Variants in RASSF3 observed in about 807,000 individuals in gnomAD.
The protein encoded by RASSF3 is Ras association domain family member 3, also known as ras association domain-containing protein 3.
A neutral mutation model predicts 19.9 loss-of-function variants in RASSF3; 19 were observed. The ratio of observed to expected loss-of-function variants is 0.96; its 90% CI spans 0.67 to 1.40. The LOEUF is 1.40. RASSF3 is among the 40% of genes most tolerant of loss of function. RASSF3 has a pLI of 0.00. For synonymous variants in RASSF3, 110 were observed against 104.2 expected (o/e 1.06, Z -0.34); for missense variants, 306 against 289.8 (o/e 1.06, Z -0.41).
At chr12:64,662,336 AT>A (rs1195570480) in intron 1 of RASSF3, among the ~76,000 whole-genome samples, 4 of 152,036 alleles carry the variant, frequency 2.6e-5, no homozygotes, top group African/African-American at 9.7e-5. Flanking sequence ...TGGGAGGATC[AT>A]TTGAGCCTAA....
intron 1 of RASSF3, among the ~76,000 whole-genome samples, chr12:64,641,636 TC>T (rs138781023): frequency 0.52 from 68,375 of 132,380 alleles, 17,221 homozygotes; most frequent in Middle Eastern, 0.57. Context: ...TCTCTCTCTC[TC>T]TTTTTTTTTT....
At chr12:64,663,345 G>A (rs562818100) in intron 1 of RASSF3, among the ~76,000 whole-genome samples, 2 of 151,974 alleles carry the variant, frequency 1.3e-5, no homozygotes, top group Non-Finnish European at 2.9e-5. Context: ...GGGGGAAAAG[G>A]GTAAGAAATC....
intron 1 of RASSF3, among the ~76,000 whole-genome samples, chr12:64,519,224 A>AC (rs1868418684): frequency 6.6e-6 from 1 of 152,028 alleles, no homozygotes. Context: ...ACGTGGAGAG[A>AC]CCCCATCTCT....
At chr12:64,609,738 T>C (rs1007086017), upstream of RASSF3, among the ~76,000 whole-genome samples, 4 of 152,078 alleles carry the variant, frequency 2.6e-5, no homozygotes, top group Admixed American at 2.0e-4. Flanking sequence ...GGCGGGGACA[T>C]TTACAAAGCA....
intron 1 of RASSF3, among the ~76,000 whole-genome samples, chr12:64,684,148 A>G (rs946175387): frequency 6.7e-6 from 1 of 148,372 alleles, no homozygotes; most frequent in African/African-American, 2.5e-5. Flanking sequence ...GCATAGTGGC[A>G]TAATTATGGC....
chr12:64,587,147 A>C (rs111793046), intron 2 of RASSF3, among the ~76,000 whole-genome samples: 5 of 276 alleles, frequency 0.018, no homozygotes, highest in Admixed American at 0.1. Context: ...TCCGCCTCCT[A>C]GGGTTCAAGC....
chr12:64,691,330 TA>T (rs1211634850), intron 3 of RASSF3, 139 bp from the exon 4 acceptor site: 1 of 643,220 alleles, frequency 1.6e-6, no homozygotes, highest in Non-Finnish European at 2.8e-6. Flanking sequence ...TGGTATTAAA[TA>T]ATAAGATGAG....
chr12:64,678,877 AC>A (rs1422839446), intron 1 of RASSF3, among the ~76,000 whole-genome samples: 1 of 151,706 alleles, frequency 6.6e-6, no homozygotes, highest in Admixed American at 6.6e-5. Context: ...TGCACATTTT[AC>A]AGTAATGAGA....
intron 2 of RASSF3, among the ~76,000 whole-genome samples, chr12:64,578,635 A>C (rs2136133763): frequency 8.2e-6 from 1 of 121,726 alleles, no homozygotes; most frequent in South Asian, 2.3e-4. Flanking sequence ...TCTTTACAAA[A>C]AAAGAAAAAA....
chr12:64,579,413 G>A (rs569526796), intron 2 of RASSF3, among the ~76,000 whole-genome samples: 14 of 145,654 alleles, frequency 9.6e-5, no homozygotes, highest in African/African-American at 3.1e-4. Flanking sequence ...GTGCCGTGGC[G>A]CGATCTCAGC....
At chr12:64,676,166 A>ATTTTTTT (rs35376691) in intron 1 of RASSF3, among the ~76,000 whole-genome samples, 2 of 106,404 alleles carry the variant, frequency 1.9e-5, no homozygotes, top group Non-Finnish European at 3.7e-5. Flanking sequence ...CAGGAGTAGA[A>ATTTTTTT]TTTTTTTTTT....
At chr12:64,608,573 C>G (rs1870234890), upstream of RASSF3, among the ~76,000 whole-genome samples, 1 of 152,196 alleles carries the variant, frequency 6.6e-6, no homozygotes, top group Non-Finnish European at 1.5e-5. Flanking sequence ...TCTGCCTCCT[C>G]AGGCGTGAGC....
chr12:64,650,132 G>A (rs922175487), intron 1 of RASSF3, among the ~76,000 whole-genome samples: 2 of 152,176 alleles, frequency 1.3e-5, no homozygotes, highest in Admixed American at 1.3e-4. Context: ...CAGGGACAGG[G>A]GATCCCCAGT....
intron 1 of RASSF3, among the ~76,000 whole-genome samples, chr12:64,637,579 G>A (rs1461745175): frequency 2.0e-5 from 3 of 151,850 alleles, no homozygotes; most frequent in African/African-American, 4.8e-5. Flanking sequence ...GCAGGCGTGT[G>A]CCACCATGCC....
chr12:64,661,597 A>G (rs1219985463), intron 1 of RASSF3, among the ~76,000 whole-genome samples: 2 of 151,668 alleles, frequency 1.3e-5, no homozygotes, highest in African/African-American at 4.8e-5. Context: ...TGGGAGGCTG[A>G]GATGGGAGGA....
chr12:64,638,029 A>G (rs1871381917), intron 1 of RASSF3, among the ~76,000 whole-genome samples: 1 of 151,534 alleles, frequency 6.6e-6, no homozygotes, highest in Non-Finnish European at 1.5e-5. Flanking sequence ...ATGGGGTTTC[A>G]CCATGTTGGC....
At chr12:64,581,535 C>T (rs1869696242) in intron 2 of RASSF3, among the ~76,000 whole-genome samples, 1 of 152,028 alleles carries the variant, frequency 6.6e-6, no homozygotes, top group South Asian at 2.1e-4. Context: ...ATGGTGAAAC[C>T]CCGTCTCTAC....
upstream of RASSF3, among the ~76,000 whole-genome samples, chr12:64,606,118 T>C (rs1327365748): frequency 6.6e-6 from 1 of 152,082 alleles, no homozygotes; most frequent in East Asian, 1.9e-4. Flanking sequence ...TGTAGGTTTC[T>C]TTTAAAAGTG....
chr12:64,527,011 A>C (rs1868602167), intron 1 of RASSF3, among the ~76,000 whole-genome samples: 2 of 152,216 alleles, frequency 1.3e-5, no homozygotes, highest in African/African-American at 2.4e-5. Context: ...TACATATACC[A>C]CATGTTCTTG....
Sources: gnomAD v4.1 joint callset for allele counts (sites outside exome capture counted in the v4.1 genomes callset) on GRCh38, gnomAD v4.1.1 for gene constraint, MANE v1.5 for transcripts, NCBI Gene and HGNC (gene_info 2026-07-23, HGNC 2026-07-21) for gene names.